FBXL17: variants seen among roughly 807,000 people sequenced by gnomAD.
The protein encoded by FBXL17 is F-box/LRR-repeat protein 17.
A neutral mutation model predicts 66.2 loss-of-function variants in FBXL17; 22 were observed. That is an observed-to-expected ratio of 0.33 (90% CI 0.24 to 0.47). FBXL17 has a LOEUF of 0.47. Ranked by LOEUF, FBXL17 falls within the 20% of genes least tolerant of loss-of-function variation. The pLI is 1.00. For missense variants in FBXL17, 878 were observed against 948.2 expected (o/e 0.93, Z 0.97); for synonymous variants, 474 against 400.5 (o/e 1.18, Z -2.19).
chr5:108,052,472 C>T (rs1019010681), intron 6 of FBXL17, among the ~76,000 whole-genome samples: 2 of 152,092 alleles, frequency 1.3e-5, no homozygotes, highest in African/African-American at 4.8e-5. Flanking sequence ...AATCAAATAC[C>T]TAGCAATACA....
intron 6 of FBXL17, among the ~76,000 whole-genome samples, chr5:108,128,329 C>T (rs1750800097): frequency 6.6e-6 from 1 of 151,458 alleles, no homozygotes; most frequent in Non-Finnish European, 1.5e-5. Context: ...TTTGTTTTCA[C>T]TGGATTTCCA....
At chr5:107,923,770 T>C (rs1750402902) in intron 7 of FBXL17, among the ~76,000 whole-genome samples, 1 of 152,216 alleles carries the variant, frequency 6.6e-6, no homozygotes, top group Admixed American at 6.5e-5. Context: ...CATTGATTCA[T>C]TCAACACAAA....
chr5:107,970,321 C>A (rs1470604921), intron 7 of FBXL17, among the ~76,000 whole-genome samples: 1 of 152,048 alleles, frequency 6.6e-6, no homozygotes, highest in Non-Finnish European at 1.5e-5. Context: ...TGCAGAAACA[C>A]TTGAATTAGA....
chr5:108,284,390 C>A (rs1166666828), intron 4 of FBXL17, among the ~76,000 whole-genome samples: 2 of 151,848 alleles, frequency 1.3e-5, no homozygotes, highest in Non-Finnish European at 1.5e-5. Context: ...AATAAAATGT[C>A]TTTTGCAGCA....
chr5:108,164,153 A>G (rs751206607), intron 6 of FBXL17, among the ~76,000 whole-genome samples: 13 of 152,352 alleles, frequency 8.5e-5, no homozygotes, highest in Admixed American at 2.0e-4. Flanking sequence ...TCACAAGGAC[A>G]CTGAAAGAAA....
intron 7 of FBXL17, among the ~76,000 whole-genome samples, chr5:107,980,664 A>ATATTTTTTTTTTTTTTTTTTTTTTTTT: frequency 1.6e-5 from 1 of 62,106 alleles, no homozygotes; most frequent in African/African-American, 1.0e-4. Context: ...ATATATATAT[A>ATATTTTTTTTTTTTTTTTTTTTTTTTT]TTTTTTTTTT....
At chr5:108,104,498 C>T (rs1287192133) in intron 6 of FBXL17, among the ~76,000 whole-genome samples, 1 of 152,214 alleles carries the variant, frequency 6.6e-6, no homozygotes, top group Non-Finnish European at 1.5e-5. Flanking sequence ...ATTTAACCAA[C>T]AACACTTATT....
intron 4 of FBXL17, among the ~76,000 whole-genome samples, chr5:108,226,005 A>T (rs1478181020): frequency 1.3e-5 from 2 of 151,972 alleles, no homozygotes; most frequent in African/African-American, 2.4e-5. Context: ...TTTCCGTCTT[A>T]CTTCATTCCT....
At chr5:107,909,560 A>T (rs919371807) in intron 7 of FBXL17, among the ~76,000 whole-genome samples, 4 of 152,182 alleles carry the variant, frequency 2.6e-5, no homozygotes, top group Non-Finnish European at 4.4e-5. Flanking sequence ...TTGCCCCTAA[A>T]CTAAAATATT....
chr5:108,014,066 T>C (rs1054974544), intron 7 of FBXL17, among the ~76,000 whole-genome samples: 2 of 149,828 alleles, frequency 1.3e-5, no homozygotes, highest in African/African-American at 4.9e-5. Flanking sequence ...CAATGCTTAG[T>C]CTGTATATCC....
chr5:108,155,923 A>G (rs1751978987), intron 6 of FBXL17, among the ~76,000 whole-genome samples: 1 of 152,228 alleles, frequency 6.6e-6, no homozygotes, highest in Non-Finnish European at 1.5e-5. Flanking sequence ...TATCAAAATT[A>G]CATAATTCTT....
chr5:107,893,809 A>G (rs540579618), intron 7 of FBXL17, among the ~76,000 whole-genome samples: 3 of 152,164 alleles, frequency 2.0e-5, no homozygotes, highest in East Asian at 1.9e-4. Flanking sequence ...CATAAACCAT[A>G]TAACAGTATG....
chr5:107,890,569 C>T (rs1376377840), intron 7 of FBXL17, among the ~76,000 whole-genome samples: 3 of 151,174 alleles, frequency 2.0e-5, no homozygotes, highest in South Asian at 4.2e-4. Flanking sequence ...GAGGCTGAGG[C>T]GGGAGGACTG....
At chr5:108,014,410 G>T (rs960477970) in intron 7 of FBXL17, among the ~76,000 whole-genome samples, 1 of 152,168 alleles carries the variant, frequency 6.6e-6, no homozygotes, top group Non-Finnish European at 1.5e-5. Flanking sequence ...ATGAAGGCTA[G>T]AATGTTTCTT....
At chr5:108,282,950 T>A (rs1396500970) in intron 4 of FBXL17, among the ~76,000 whole-genome samples, 1 of 147,270 alleles carries the variant, frequency 6.8e-6, no homozygotes, top group East Asian at 2.0e-4. Flanking sequence ...ACTTAGGAAG[T>A]GAAAAATCTC....
chr5:108,163,463 C>T (rs969891060), intron 6 of FBXL17, among the ~76,000 whole-genome samples: 5 of 146,710 alleles, frequency 3.4e-5, no homozygotes, highest in African/African-American at 1.0e-4. Flanking sequence ...TGCAGTGGCG[C>T]GATCTCGGCT....
intron 8 of FBXL17, chr5:107,880,290 G>T (rs1748744727): frequency 2.5e-6 from 2 of 813,966 alleles, no homozygotes; most frequent in Non-Finnish European, 3.0e-6. Flanking sequence ...TGTTGTCCAG[G>T]CTGGTCTCAA....
At chr5:108,088,867 T>A (rs564537169) in intron 6 of FBXL17, among the ~76,000 whole-genome samples, 2 of 152,076 alleles carry the variant, frequency 1.3e-5, no homozygotes, top group Non-Finnish European at 2.9e-5. Context: ...CAGATAAGCA[T>A]AGTTCACTTA....
chr5:108,380,448 T>C (rs1235502785), intron 1 of FBXL17, among the ~76,000 whole-genome samples: 1 of 152,198 alleles, frequency 6.6e-6, no homozygotes, highest in African/African-American at 2.4e-5. Flanking sequence ...ATTCTAATAA[T>C]AGCTGAACCC....
Sources: gnomAD v4.1 joint callset for allele counts (sites outside exome capture counted in the v4.1 genomes callset) on GRCh38, gnomAD v4.1.1 for gene constraint, MANE v1.5 for transcripts, NCBI Gene and HGNC (gene_info 2026-07-23, HGNC 2026-07-21) for gene names.